Variants in PACS1 observed in about 807,000 individuals in gnomAD.
PACS1 encodes PACS-1.
A neutral mutation model predicts 115.0 loss-of-function variants in PACS1; 24 were observed. That is an observed-to-expected ratio of 0.21 (90% CI 0.15 to 0.29). The LOEUF (loss-of-function observed/expected upper bound fraction) is 0.29. Among genes scored for constraint, PACS1 ranks in the 10% least tolerant of loss-of-function variants. The pLI, the probability that PACS1 is intolerant of heterozygous loss-of-function variation, is 1.00. For synonymous variants in PACS1, 453 were observed against 504.5 expected (o/e 0.90, Z 1.37); for missense variants, 838 against 1,251.2 (o/e 0.67, Z 4.98).
chr11:66,232,627 C>T (rs1202580235), intron 14 of PACS1, among the ~76,000 whole-genome samples: 1 of 152,212 alleles, frequency 6.6e-6, no homozygotes, highest in Non-Finnish European at 1.5e-5. Flanking sequence ...CCAGGGCTGC[C>T]CCATGAAGGC....
chr11:66,233,819 A>C lies in PACS1; in HGVS notation c.1873A>C (p.Lys625Gln). 1.2e-6 allele frequency: 2 copies of C among 1,613,826 alleles called. No homozygotes were observed. The change falls in exon 16 of 24, where the codon AAG becomes CAG. Residue 625 changes from lysine to glutamine, a missense_variant. Coordinates refer to ENST00000320580, the MANE Select transcript of PACS1 (RefSeq NM_018026.4). This position sits in a 1 kb window ranked among gnomAD's most constrained non-coding sequence, Gnocchi z 4.5. ...NCNSSMPRPV[K>Q]VAAVGGQSYL... The stretch of plus-strand genomic sequence containing the variant: ...CAACTCTTCCATGCCGAGGCCAGTG[A>C]AGGTGGCTGCTGTGGGAGGCCAGAG...
chr11:66,078,170 C>G (rs972561154), intron 1 of PACS1, among the ~76,000 whole-genome samples: 10 of 152,204 alleles, frequency 6.6e-5, no homozygotes, highest in Non-Finnish European at 1.3e-4. Context: ...TCAACACTTT[C>G]AGTACTTTTA....
chr11:66,203,071 A>C (rs1051258792), intron 2 of PACS1, among the ~76,000 whole-genome samples: 1 of 152,138 alleles, frequency 6.6e-6, no homozygotes, highest in Non-Finnish European at 1.5e-5. Context: ...AAATCAAATT[A>C]TCCTTGTTTG....
chr11:66,217,838 CT>C (rs1855249306), intron 7 of PACS1: 1 of 289,770 alleles, frequency 3.5e-6, no homozygotes, highest in Non-Finnish European at 6.8e-6. Flanking sequence ...CTGAGGCTTT[CT>C]TTTTCCTGCT....
chr11:66,091,808 G>T (rs1343617844), intron 1 of PACS1, among the ~76,000 whole-genome samples: 1 of 151,854 alleles, frequency 6.6e-6, no homozygotes, highest in African/African-American at 2.4e-5. Flanking sequence ...TACTGAGAAT[G>T]ATGATTTCCA....
At chr11:66,148,398 C>T (rs906266740) in intron 1 of PACS1, among the ~76,000 whole-genome samples, 2 of 152,164 alleles carry the variant, frequency 1.3e-5, no homozygotes, top group South Asian at 2.1e-4. Flanking sequence ...CCTCTTGCCT[C>T]GGCCTCCCAG....
intron 3 of PACS1, 53 bp from the exon 4 acceptor site, chr11:66,211,076 ACCCCT>A: frequency 6.9e-6 from 11 of 1,593,418 alleles, no homozygotes; most frequent in Non-Finnish European, 9.5e-6. Context: ...GTCCTCCAGA[ACCCCT>A]CAAGGACCCA....
At position 66,118,958 on chromosome 11, in the gene PACS1, A is replaced by C. The variant is rs183588846; in HGVS notation, c.356+48116A>C. On this transcript the variant is annotated intron_variant, in intron 1 of 23. Coordinates refer to ENST00000320580, the MANE Select transcript of PACS1 (RefSeq NM_018026.4). ...TATAGACAATTGAATAATCAACCAC[A>C]ACATGTTATAGTAAGTGCTAAGATA... 2.6e-5 allele frequency among the ~76,000 whole-genome samples: 4 copies of C among 152,290 alleles called. No homozygotes were observed. The East Asian group carries it at 7.7e-4, about 29-fold the overall frequency.
intron 2 of PACS1, among the ~76,000 whole-genome samples, chr11:66,204,978 T>G (rs1416026953): frequency 6.6e-6 from 1 of 152,040 alleles, no homozygotes; most frequent in Non-Finnish European, 1.5e-5. Context: ...CCCATCTCTA[T>G]TTTTTAAAAA....
chr11:66,078,594 A>G (rs1273859789), intron 1 of PACS1, among the ~76,000 whole-genome samples: 1 of 152,160 alleles, frequency 6.6e-6, no homozygotes, highest in African/African-American at 2.4e-5. Flanking sequence ...CTGTTGCCCA[A>G]ACTGGAATGC....
At chr11:66,178,940 A>G (rs982959289) in intron 1 of PACS1, among the ~76,000 whole-genome samples, 1 of 152,216 alleles carries the variant, frequency 6.6e-6, no homozygotes, top group African/African-American at 2.4e-5. Context: ...AGATCACACT[A>G]TCACACTTAA....
At chr11:66,141,783 G>A (rs778383449) in intron 1 of PACS1, among the ~76,000 whole-genome samples, 10 of 151,694 alleles carry the variant, frequency 6.6e-5, no homozygotes, top group Non-Finnish European at 1.5e-5. Context: ...GTTGTTTTTT[G>A]TAGAGATGCA....
At chr11:66,212,721 C>T (rs1855104402) in intron 4 of PACS1, among the ~76,000 whole-genome samples, 1 of 152,148 alleles carries the variant, frequency 6.6e-6, no homozygotes, top group Non-Finnish European at 1.5e-5. Flanking sequence ...TTTTCCTTAT[C>T]ACATTTCACC....
chr11:66,096,992 G>A (rs1268158075), intron 1 of PACS1, among the ~76,000 whole-genome samples: 2 of 151,742 alleles, frequency 1.3e-5, no homozygotes, highest in South Asian at 2.1e-4. Flanking sequence ...GAGCCACCAC[G>A]CCCAGCCCCA....
In PACS1 at chr11:66,225,585, A is replaced by G. The variant is rs529881481; in HGVS notation, c.1294-1919A>G. ...GTATCCATACATCAAAACATGTTGT[A>G]TACTGTAAATATATACAATTTTTAT... On this transcript the variant is annotated intron_variant, in intron 10 of 23. Transcript: ENST00000320580. Among the ~76,000 whole-genome samples the G allele has an allele frequency of 5.3e-5, 8 of 152,344 alleles. No individual in the cohort carries two copies. In the East Asian group the frequency reaches 1.5e-3, roughly 29 times the overall value.
chr11:66,171,617 T>C (rs551660559), intron 1 of PACS1, among the ~76,000 whole-genome samples: 2 of 150,104 alleles, frequency 1.3e-5, no homozygotes, highest in African/African-American at 5.1e-5. Flanking sequence ...TCTCGCTCTG[T>C]CGCCCAGGCT....
In PACS1 at chr11:66,243,214, A is replaced by G. The variant is rs1295072326; in HGVS notation, c.2826A>G (p.Ala942=). The G allele has an allele frequency of 6.2e-7, 1 of 1,613,414 alleles. No individual in the cohort carries two copies. Among genetic ancestry groups the G allele is most frequent in the Non-Finnish European group, 8.5e-7 (1 of 1,179,726 alleles). ...EWSDIKFFQL[A]AQWPTHVKHF... ...GTGACATCAAGTTCTTCCAGCTGGC[A>G]GCCCAGTGGCCCACCCATGTCAAGC... is the stretch of plus-strand genomic sequence containing the variant. Residue 942 remains alanine (A), a synonymous_variant, in exon 24 of 24, where the codon GCA becomes GCG. Transcript: ENST00000320580.
Position 66,233,201 on chromosome 11 carries a change from G to T in PACS1, c.1838+135G>T, listed in dbSNP as rs759792833. The T allele has an allele frequency of 6.2e-6, 4 of 646,458 alleles. No homozygotes were observed. Among genetic ancestry groups the T allele is most frequent in the Non-Finnish European group, 1.1e-5 (4 of 374,974 alleles). The allele number at this position is 646,458 out of a possible 1,614,324, so 40.0% of individuals were successfully genotyped here. ...ATTTGCAGAGGGGCGTATGTTTAGG[G>T]GGGTGGCGGCAGCAGGCTGTAGGGC... On this transcript the variant is annotated intron_variant, in intron 15 of 23. Transcript: ENST00000320580. This position sits in a 1 kb window ranked among gnomAD's most constrained non-coding sequence, Gnocchi z 4.5.
chr11:66,127,994 C>T (rs1858618883), intron 1 of PACS1, among the ~76,000 whole-genome samples: 1 of 152,088 alleles, frequency 6.6e-6, no homozygotes, highest in African/African-American at 2.4e-5. Flanking sequence ...TTGTAAATGG[C>T]TTTTTGGGGA....
Sources: gnomAD v4.1 joint callset for allele counts (sites outside exome capture counted in the v4.1 genomes callset) on GRCh38, gnomAD v4.1.1 for gene constraint, Gnocchi (gnomAD v3.1) non-coding constraint, MANE v1.5 for transcripts, NCBI Gene and HGNC (gene_info 2026-07-23, HGNC 2026-07-21) for gene names.